The following RASEF variants were observed in gnomAD, a reference collection of about 807,000 sequenced individuals.
The protein encoded by RASEF is ras and EF-hand domain-containing protein.
In RASEF, 68 loss-of-function variants were observed where a neutral mutation model predicts 90.1. The ratio of observed to expected loss-of-function variants is 0.75; its 90% CI spans 0.62 to 0.92. RASEF has a LOEUF of 0.92. RASEF is among the 40% of genes least tolerant of loss of function. The pLI, the probability that RASEF is intolerant of heterozygous loss-of-function variation, is 0.00. For missense variants in RASEF, 949 were observed against 937.2 expected (o/e 1.01, Z -0.16); for synonymous variants, 331 against 345.2 (o/e 0.96, Z 0.46).
At chr9:83,216,988 G>A in the RASEF span, among the ~76,000 whole-genome samples, 2 of 152,296 alleles carry the variant, frequency 1.3e-5, no homozygotes, top group East Asian at 3.9e-4. Flanking sequence ...ACCCTACAAA[G>A]CCACACAGGC....
At chr9:83,193,659 A>G in the RASEF span, among the ~76,000 whole-genome samples, 1 of 152,214 alleles carries the variant, frequency 6.6e-6, no homozygotes, top group Non-Finnish European at 1.5e-5. Flanking sequence ...ATCTAAATAC[A>G]TGCTTGTTTG....
intron 16 of RASEF, among the ~76,000 whole-genome samples, chr9:82,986,101 A>C (rs1828706009): frequency 6.6e-6 from 1 of 152,202 alleles, no homozygotes; most frequent in Non-Finnish European, 1.5e-5. Context: ...AGAGAGTGAA[A>C]AGAAAGAGAG....
At chr9:83,207,804 C>T in the RASEF span, among the ~76,000 whole-genome samples, 33 of 152,122 alleles carry the variant, frequency 2.2e-4, no homozygotes, top group South Asian at 4.0e-3. Flanking sequence ...GATGGGATTT[C>T]GCCATGTTGG....
At chr9:83,146,638 C>G in the RASEF span, among the ~76,000 whole-genome samples, 1 of 152,174 alleles carries the variant, frequency 6.6e-6, no homozygotes, top group African/African-American at 2.4e-5. Context: ...CAGCTTCTGT[C>G]TGACCGAAAT....
chr9:83,022,615 A>G (rs73467594), intron 2 of RASEF, among the ~76,000 whole-genome samples, 189 bp from the exon 3 acceptor site: 4,517 of 152,284 alleles, frequency 0.03, 208 homozygotes, highest in African/African-American at 0.1. Context: ...GTGTAAAATG[A>G]TTTTAAAACT....
chr9:82,981,600 T>C lies in RASEF; in HGVS notation c.*1077A>G, dbSNP rs913964360. On this transcript the variant is annotated 3_prime_UTR_variant, in exon 17 of 17. Transcript: ENST00000376447. The stretch of plus-strand genomic sequence containing the variant: ...TACATCACTCTAAGTACTAGCATTT[T>C]TTTTAGTGAGATAATTCACAACCAT... The C allele has an allele frequency of 1.3e-5, 2 of 152,226 alleles. No individual in the cohort carries two copies. The highest frequency in any genetic ancestry group is 2.9e-5 in the Non-Finnish European group (2 of 68,040). 9.4% of individuals were successfully genotyped at this position (152,226 alleles called of 1,614,324 possible). A position where few individuals can be genotyped will look rare whatever the true frequency, so the allele number is the denominator to read the frequency against.
chr9:83,101,143 T>C, the RASEF span, among the ~76,000 whole-genome samples: 3 of 152,300 alleles, frequency 2.0e-5, no homozygotes, highest in East Asian at 3.9e-4. Context: ...ATGAGGAAGC[T>C]ACAAAAGCAT....
the RASEF span, among the ~76,000 whole-genome samples, chr9:83,193,592 A>ATAAATGGTAG: frequency 1.3e-5 from 2 of 152,232 alleles, no homozygotes; most frequent in Non-Finnish European, 2.9e-5. Flanking sequence ...CAGGCATCTA[A>ATAAATGGTAG]TAAATGGTAG....
At chr9:83,190,052 CCGGAT>C in the RASEF span, among the ~76,000 whole-genome samples, 1 of 152,156 alleles carries the variant, frequency 6.6e-6, no homozygotes, top group African/African-American at 2.4e-5. Flanking sequence ...CCCCTGCAGT[CCGGAT>C]TAATTATTTC....
chr9:83,028,570 G>A (rs779366240), intron 1 of RASEF, among the ~76,000 whole-genome samples: 7 of 152,190 alleles, frequency 4.6e-5, no homozygotes, highest in Non-Finnish European at 8.8e-5. Flanking sequence ...CAAGAAAGAT[G>A]ACAATAATCC....
chr9:83,217,674 T>C, the RASEF span, among the ~76,000 whole-genome samples: 1 of 152,194 alleles, frequency 6.6e-6, no homozygotes, highest in Admixed American at 6.5e-5. Context: ...CCCAGCCACG[T>C]GGAACTGTGA....
intron 1 of RASEF, among the ~76,000 whole-genome samples, chr9:83,041,541 A>G (rs1261101366): frequency 6.6e-6 from 1 of 152,224 alleles, no homozygotes; most frequent in African/African-American, 2.4e-5. Flanking sequence ...AATGTTGCTG[A>G]CATCTCTAAT....
the RASEF span, among the ~76,000 whole-genome samples, chr9:83,127,505 G>C: frequency 4.6e-5 from 7 of 152,292 alleles, no homozygotes; most frequent in Admixed American, 2.0e-4. Flanking sequence ...CTCAAAGAGA[G>C]AGAATGAGAT....
At chr9:83,003,460 TC>T (rs1405029410) in intron 9 of RASEF, among the ~76,000 whole-genome samples, 2 of 152,142 alleles carry the variant, frequency 1.3e-5, no homozygotes, top group African/African-American at 2.4e-5. Context: ...TGTATACCTT[TC>T]CCCCCAATTT....
chr9:83,007,066 C>G (rs374434795), intron 7 of RASEF, among the ~76,000 whole-genome samples: 2 of 147,578 alleles, frequency 1.4e-5, no homozygotes, highest in African/African-American at 5.2e-5. Flanking sequence ...TGCACTTCAG[C>G]CTGGGTGACA....
chr9:83,204,136 G>C, the RASEF span, among the ~76,000 whole-genome samples: 1 of 152,226 alleles, frequency 6.6e-6, no homozygotes, highest in South Asian at 2.1e-4. Context: ...GGAGGTAACA[G>C]TGGACAGGAT....
chr9:83,172,638 A>T, the RASEF span, among the ~76,000 whole-genome samples: 1 of 151,932 alleles, frequency 6.6e-6, no homozygotes, highest in Non-Finnish European at 1.5e-5. Flanking sequence ...AAATAATGAA[A>T]AAAACTTTAA....
chr9:83,016,043 G>A, intron 3 of RASEF, 143 bp from the exon 4 acceptor site: 1 of 635,462 alleles, frequency 1.6e-6, no homozygotes, highest in Admixed American at 2.8e-5. Context: ...GATATCAGAA[G>A]GAAACCAATT....
the RASEF span, among the ~76,000 whole-genome samples, chr9:83,164,434 A>C: frequency 6.7e-6 from 1 of 148,378 alleles, no homozygotes; most frequent in Admixed American, 6.8e-5. Context: ...AGAAATTAGT[A>C]TCATTTTATT....
Sources: gnomAD v4.1 joint callset for allele counts (sites outside exome capture counted in the v4.1 genomes callset) on GRCh38, gnomAD v4.1.1 for gene constraint, MANE v1.5 for transcripts, NCBI Gene and HGNC (gene_info 2026-07-23, HGNC 2026-07-21) for gene names.